Variants in CYP7B1 observed in about 807,000 individuals in gnomAD.
The protein encoded by CYP7B1 is cytochrome P450 family 7 subfamily B member 1.
Under a neutral mutation model 42.7 loss-of-function variants are expected in CYP7B1, and 29 were observed. The observed-to-expected ratio is 0.68, with a 90% CI of 0.51 to 0.93. The LOEUF is 0.93. Among genes scored for constraint, CYP7B1 ranks in the 40% least tolerant of loss-of-function variants. The probability of loss-of-function intolerance (pLI) is 0.00; values close to 1 mark genes in which losing one functional copy is unlikely to be tolerated. For synonymous variants in CYP7B1, 235 were observed against 218.2 expected (o/e 1.08, Z -0.68); for missense variants, 655 against 600.5 (o/e 1.09, Z -0.95).
At chr8:64,692,394 G>A (rs1806760353) in intron 1 of CYP7B1, among the ~76,000 whole-genome samples, 1 of 152,216 alleles carries the variant, frequency 6.6e-6, no homozygotes, top group Non-Finnish European at 1.5e-5. Context: ...AGCTGTTGAA[G>A]CAGACCCCGG....
intron 1 of CYP7B1, among the ~76,000 whole-genome samples, chr8:64,658,315 C>T (rs147911094): frequency 1.3e-5 from 2 of 151,992 alleles, no homozygotes; most frequent in East Asian, 1.9e-4. Flanking sequence ...TATACTTATA[C>T]AGGGAAATGA....
intron 1 of CYP7B1, among the ~76,000 whole-genome samples, chr8:64,685,216 C>T (rs1023174471): frequency 3.3e-5 from 5 of 150,720 alleles, no homozygotes; most frequent in Non-Finnish European, 7.4e-5. Context: ...CCGCGGGGCC[C>T]GAGGGCAAGG....
At chr8:64,798,349 A>G (rs955719932) in intron 1 of CYP7B1, 117 bp downstream of exon 1, 12 of 1,352,704 alleles carry the variant, frequency 8.9e-6, no homozygotes, top group Middle Eastern at 2.6e-4. Context: ...AGTACCCCGC[A>G]GCAAGTTCTG....
At chr8:64,587,597 A>G (rs1342432600), downstream of CYP7B1, among the ~76,000 whole-genome samples, 1 of 152,246 alleles carries the variant, frequency 6.6e-6, no homozygotes, top group African/African-American at 2.4e-5. Flanking sequence ...CGCAGCAGGG[A>G]AACTCTGCTC....
At chr8:64,655,962 G>C (rs1201946009) in intron 1 of CYP7B1, among the ~76,000 whole-genome samples, 2 of 152,048 alleles carry the variant, frequency 1.3e-5, no homozygotes, top group Non-Finnish European at 2.9e-5. Context: ...AAAAGTGGGA[G>C]ACCTCATGAA....
At chr8:64,724,329 T>C (rs1807289653) in intron 1 of CYP7B1, among the ~76,000 whole-genome samples, 1 of 152,038 alleles carries the variant, frequency 6.6e-6, no homozygotes, top group African/African-American at 2.4e-5. Context: ...GTATTTTTAG[T>C]ACAGACGGGG....
At chr8:64,628,849 T>TATATATAG (rs1805646211) in intron 1 of CYP7B1, among the ~76,000 whole-genome samples, 1 of 152,160 alleles carries the variant, frequency 6.6e-6, no homozygotes, top group African/African-American at 2.4e-5. Context: ...TATTTGAAGT[T>TATATATAG]CATCTTCATG....
intron 1 of CYP7B1, among the ~76,000 whole-genome samples, chr8:64,674,032 C>G (rs1806406606): frequency 6.6e-6 from 1 of 152,058 alleles, no homozygotes; most frequent in African/African-American, 2.4e-5. Context: ...CTTCCCTCCA[C>G]TTGGCCCTCT....
intron 1 of CYP7B1, among the ~76,000 whole-genome samples, chr8:64,675,574 C>T (rs2129631806): frequency 6.6e-6 from 1 of 150,586 alleles, no homozygotes; most frequent in East Asian, 1.9e-4. Flanking sequence ...TTTTAAAAAC[C>T]AAAATATTAA....
chr8:64,716,818 T>C (rs1807162273), intron 1 of CYP7B1, among the ~76,000 whole-genome samples: 1 of 152,226 alleles, frequency 6.6e-6, no homozygotes. Context: ...GTTCTCTTAA[T>C]GTCAGTTAGA....
chr8:64,663,382 T>C (rs914707689), intron 1 of CYP7B1, among the ~76,000 whole-genome samples: 5 of 152,190 alleles, frequency 3.3e-5, no homozygotes, highest in Admixed American at 2.6e-4. Context: ...AAAATGGTTG[T>C]ATGAATAAAT....
intron 1 of CYP7B1, among the ~76,000 whole-genome samples, chr8:64,719,163 C>T (rs1054518933): frequency 3.3e-5 from 5 of 152,184 alleles, no homozygotes; most frequent in Admixed American, 1.3e-4. Flanking sequence ...AATGACCAAC[C>T]TACATTTATG....
chr8:64,697,682 C>T lies in CYP7B1; in HGVS notation c.123-73143G>A, dbSNP rs570948833. 1.1e-4 allele frequency among the ~76,000 whole-genome samples: 17 copies of T among 152,264 alleles called. No individual in the cohort carries two copies. In the South Asian group the frequency reaches 1.9e-3, roughly 17 times the overall value. ...GAACAGGCTGTTGGGCTTCGTTTCA[C>T]GAAAAGGCTGACCATGTTCACCAAT... On this transcript the variant is annotated intron_variant, in intron 1 of 5. Coordinates refer to ENST00000310193, the MANE Select transcript of CYP7B1 (RefSeq NM_004820.5).
chr8:64,641,524 T>C (rs1018818439), intron 1 of CYP7B1, among the ~76,000 whole-genome samples: 1 of 152,148 alleles, frequency 6.6e-6, no homozygotes. Flanking sequence ...ACCAGCAATA[T>C]TTACTTGAAA....
chr8:64,594,267 G>A lies in CYP7B1; in HGVS notation c.*2375C>T, dbSNP rs1391730557. Among the ~76,000 whole-genome samples, 1 of 151,948 alleles carries A rather than the reference G, an allele frequency of 6.6e-6. No homozygotes were observed. Among genetic ancestry groups the A allele is most frequent in the African/African-American group, 2.4e-5 (1 of 41,336 alleles). On this transcript the variant is annotated 3_prime_UTR_variant, in exon 6 of 6. Coordinates refer to ENST00000310193, the MANE Select transcript of CYP7B1 (RefSeq NM_004820.5). ...GTCCTGCTGACAGTGTCCATCACTG[G>A]GTAACTAGATCATTAAAACATAATG...
Position 64,798,729 on chromosome 8 carries a change from A to G in CYP7B1, c.-142T>C. On this transcript the variant is annotated 5_prime_UTR_variant, in exon 1 of 6. Coordinates refer to ENST00000310193, the MANE Select transcript of CYP7B1 (RefSeq NM_004820.5). ...AGGCTGGCCTGCCCGCAGCGCAGAC[A>G]GGAATGTCACCGTGGTCTCCCAGGC... 6 of 916,022 alleles carry G rather than the reference A, an allele frequency of 6.6e-6. No individual in the cohort carries two copies. In the South Asian group the frequency reaches 1.0e-4, roughly 16 times the overall value. The allele number at this position is 916,022 out of a possible 1,614,324, so 56.7% of individuals were successfully genotyped here. A position where few individuals can be genotyped will look rare whatever the true frequency, so the allele number is the denominator to read the frequency against.
intron 1 of CYP7B1, among the ~76,000 whole-genome samples, chr8:64,708,060 G>A (rs1379296598): frequency 6.6e-6 from 1 of 152,136 alleles, no homozygotes; most frequent in African/African-American, 2.4e-5. Flanking sequence ...GCAGAAAGAG[G>A]CAAAGGATAT....
chr8:64,594,341 TATA>T lies in CYP7B1; in HGVS notation c.*2298_*2300del, dbSNP rs1378478655. ...CAGCAGTTAGAAGCAATAGATTAAA[TATA>T]GTAGTATACTATGTATATACTACAG... On this transcript the variant is annotated 3_prime_UTR_variant, in exon 6 of 6. Coordinates refer to ENST00000310193, the MANE Select transcript of CYP7B1 (RefSeq NM_004820.5). 6.6e-6 allele frequency among the ~76,000 whole-genome samples: 1 copy of T among 152,140 alleles called. No individual in the cohort carries two copies. The highest frequency in any genetic ancestry group is 1.5e-5 in the Non-Finnish European group (1 of 68,018).
intron 1 of CYP7B1, among the ~76,000 whole-genome samples, chr8:64,788,033 G>T (rs889686483): frequency 6.6e-6 from 1 of 152,096 alleles, no homozygotes; most frequent in Non-Finnish European, 1.5e-5. Context: ...CTTCCCACTG[G>T]GTTCTTCTCA....
Sources: allele counts gnomAD v4.1 joint callset (sites outside exome capture counted in the v4.1 genomes callset), GRCh38; gene constraint gnomAD v4.1.1; transcripts MANE v1.5; gene names NCBI Gene and HGNC (gene_info 2026-07-23, HGNC 2026-07-21).